Variants in LANCL1 observed in about 807,000 individuals in gnomAD.
LANCL1 encodes the protein glutathione S-transferase LANCL1.
A neutral mutation model predicts 50.6 loss-of-function variants in LANCL1; 50 were observed. The observed-to-expected ratio is 0.99, with a 90% CI of 0.79 to 1.25. The LOEUF is 1.25. LANCL1 is among the 50% of genes most tolerant of loss of function. The pLI is 0.00. For missense variants in LANCL1, 532 were observed against 480.7 expected (o/e 1.11, Z -1.00); for synonymous variants, 188 against 178.6 (o/e 1.05, Z -0.42).
intron 2 of LANCL1, among the ~76,000 whole-genome samples, chr2:210,475,673 C>A (rs909319360): frequency 2.6e-5 from 4 of 152,180 alleles, no homozygotes; most frequent in Admixed American, 2.6e-4. Flanking sequence ...TCCCTCTTAA[C>A]AATTATGTTC....
intron 3 of LANCL1, among the ~76,000 whole-genome samples, chr2:210,466,552 A>G (rs754685799): frequency 2.0e-5 from 3 of 152,132 alleles, no homozygotes; most frequent in African/African-American, 4.8e-5. Context: ...GCCTTTCCCT[A>G]TGGTATGTAA....
intron 3 of LANCL1, among the ~76,000 whole-genome samples, chr2:210,465,592 T>C (rs1014192101): frequency 6.6e-6 from 1 of 152,206 alleles, no homozygotes; most frequent in Non-Finnish European, 1.5e-5. Flanking sequence ...GTAGCCTTTA[T>C]GTTGGTGCAG....
intron 4 of LANCL1, among the ~76,000 whole-genome samples, chr2:210,452,817 C>G (rs188070430): frequency 1.7e-3 from 264 of 152,138 alleles, no homozygotes; most frequent in African/African-American, 5.4e-3. Context: ...AAAAAGCAAG[C>G]TAGCTAGAAC....
intron 6 of LANCL1, among the ~76,000 whole-genome samples, chr2:210,438,630 G>A (rs961472744): frequency 2.0e-5 from 3 of 152,130 alleles, no homozygotes; most frequent in African/African-American, 7.2e-5. Flanking sequence ...AGAAGAGATA[G>A]GTGGTATTTT....
chr2:210,459,450 C>T (rs1438098315), intron 3 of LANCL1, among the ~76,000 whole-genome samples: 3 of 151,970 alleles, frequency 2.0e-5, no homozygotes, highest in South Asian at 2.1e-4. Flanking sequence ...AGTATGATAC[C>T]CTCTAACCAT....
chr2:210,446,953 C>A (rs751786043), intron 4 of LANCL1, among the ~76,000 whole-genome samples: 1 of 152,140 alleles, frequency 6.6e-6, no homozygotes, highest in Non-Finnish European at 1.5e-5. Context: ...CTTCCCCAAC[C>A]TTCACATTCA....
At position 210,433,994 on chromosome 2, in the gene LANCL1, A is replaced by G. The variant is rs1692833989; in HGVS notation, c.*493T>C. The G allele has an allele frequency of 6.6e-6, 1 of 152,228 alleles. No individual in the cohort carries two copies. The highest frequency in any genetic ancestry group is 1.5e-5 in the Non-Finnish European group (1 of 68,044). The allele number at this position is 152,228 out of a possible 1,614,324, so 9.4% of individuals were successfully genotyped here. A position where few individuals can be genotyped will look rare whatever the true frequency, so the allele number is the denominator to read the frequency against. ...TTTTCTCCTGGAAGCATTTAGTTAT[A>G]TTTCTGTCCCCTTTCAAAATGAACC... is the stretch of plus-strand genomic sequence containing the variant. On this transcript the variant is annotated 3_prime_UTR_variant, in exon 10 of 10. Coordinates refer to ENST00000450366, the MANE Select transcript of LANCL1 (RefSeq NM_006055.3).
At chr2:210,453,924 G>A (rs1195583082) in intron 4 of LANCL1, among the ~76,000 whole-genome samples, 2 of 152,078 alleles carry the variant, frequency 1.3e-5, no homozygotes, top group African/African-American at 2.4e-5. Flanking sequence ...TCTCAGCTCT[G>A]GAGTGGAATG....
At chr2:210,461,546 C>G (rs1441145723) in intron 3 of LANCL1, among the ~76,000 whole-genome samples, 1 of 152,158 alleles carries the variant, frequency 6.6e-6, no homozygotes, top group Non-Finnish European at 1.5e-5. Flanking sequence ...GGAACAGCAT[C>G]TTGAAACACT....
rs1693633172 is a variant in LANCL1 at position 210,455,242 on chromosome 2, T to C, written c.272A>G (p.Tyr91Cys). Reference sequence around the variant, plus strand: ...TAAGCAGTTCAGACTTTGCTTTACATAGCCATGTGCTAACTGTAGGTAGGC... The same window carrying C: ...TAAGCAGTTCAGACTTTGCTTTACACAGCCATGTGCTAACTGTAGGTAGGC... ...DPAYLQLAHGYVKQSLNCLTK... is the reference protein window; with the variant it reads ...DPAYLQLAHGCVKQSLNCLTK... The change falls in exon 4 of 10, where the codon TAT (tyrosine) becomes TGT (cysteine). Residue 91 changes from tyrosine to cysteine, a missense_variant. Tyr to Cys is a radical substitution (Grantham distance 194). Coordinates refer to ENST00000450366, the MANE Select transcript of LANCL1 (RefSeq NM_006055.3). 5 of 1,612,324 alleles carry C rather than the reference T, an allele frequency of 3.1e-6. No individual in the cohort carries two copies. The highest frequency in any genetic ancestry group is 1.1e-5 in the South Asian group (1 of 91,054).
At chr2:210,473,192 A>G (rs1694270838) in intron 2 of LANCL1, among the ~76,000 whole-genome samples, 1 of 152,164 alleles carries the variant, frequency 6.6e-6, no homozygotes, top group African/African-American at 2.4e-5. Context: ...TCTGACCAAC[A>G]TGGAGAAACC....
At chr2:210,455,813 T>G (rs1159317758) in intron 3 of LANCL1, among the ~76,000 whole-genome samples, 3 of 150,340 alleles carry the variant, frequency 2.0e-5, no homozygotes, top group African/African-American at 7.3e-5. Flanking sequence ...TGTGTGTGTT[T>G]TTTTTTTTTT....
intron 4 of LANCL1, among the ~76,000 whole-genome samples, chr2:210,450,606 G>A (rs2105903222): frequency 6.6e-6 from 1 of 152,028 alleles, no homozygotes; most frequent in Admixed American, 6.6e-5. Context: ...CTGACAAAGG[G>A]CTAATATCCA....
chr2:210,451,715 G>A (rs2105904497), intron 4 of LANCL1, among the ~76,000 whole-genome samples: 1 of 152,252 alleles, frequency 6.6e-6, no homozygotes, highest in South Asian at 2.1e-4. Context: ...AGCCCCCATA[G>A]CACTCACAGC....
At chr2:210,470,627 T>C (rs1438664440) in intron 3 of LANCL1, among the ~76,000 whole-genome samples, 1 of 152,208 alleles carries the variant, frequency 6.6e-6, no homozygotes, top group African/African-American at 2.4e-5. Context: ...GCTTCAAATT[T>C]TGGAGCATTT....
intron 3 of LANCL1, among the ~76,000 whole-genome samples, chr2:210,470,875 A>C (rs3856342): frequency 0.33 from 50,401 of 151,654 alleles, 8,676 homozygotes; most frequent in Middle Eastern, 0.42. Flanking sequence ...ACTCCTTAAA[A>C]TCAAATTAAA....
intron 3 of LANCL1, chr2:210,471,506 C>T (rs1559723221): frequency 2.2e-6 from 1 of 451,994 alleles, no homozygotes; most frequent in Non-Finnish European, 4.4e-6. Context: ...TAATACTTTA[C>T]CCTGTATGGA....
intron 4 of LANCL1, among the ~76,000 whole-genome samples, chr2:210,446,328 C>G (rs1693328177): frequency 6.6e-6 from 1 of 152,096 alleles, no homozygotes; most frequent in Admixed American, 6.5e-5. Flanking sequence ...AAAAGGACAT[C>G]CACTCAGAAA....
chr2:210,453,722 G>A (rs1446197998), intron 4 of LANCL1, among the ~76,000 whole-genome samples: 2 of 152,088 alleles, frequency 1.3e-5, no homozygotes, highest in Non-Finnish European at 2.9e-5. Context: ...TTAAACATCA[G>A]CTATGTAAAA....
Sources: allele counts gnomAD v4.1 joint callset (sites outside exome capture counted in the v4.1 genomes callset), GRCh38; gene constraint gnomAD v4.1.1; transcripts MANE v1.5; gene names NCBI Gene and HGNC (gene_info 2026-07-23, HGNC 2026-07-21).